ERC2: variants seen among roughly 807,000 people sequenced by gnomAD.
ERC2 encodes the protein ELKS/RAB6-interacting/CAST family member 2.
In ERC2, 42 loss-of-function variants were observed where a neutral mutation model predicts 114.8. The observed-to-expected ratio is 0.37, with a 90% CI of 0.29 to 0.47. The LOEUF is 0.47. Among genes scored for constraint, ERC2 ranks in the 20% least tolerant of loss-of-function variants. The pLI is 0.99. For synonymous variants in ERC2, 454 were observed against 425.5 expected (o/e 1.07, Z -0.82); for missense variants, 939 against 1,150.7 (o/e 0.82, Z 2.66).
At chr3:55,857,336 C>A (rs1489337355) in intron 14 of ERC2, among the ~76,000 whole-genome samples, 1 of 152,060 alleles carries the variant, frequency 6.6e-6, no homozygotes, top group African/African-American at 2.4e-5. Context: ...AGAAAGATAC[C>A]CGCATCTTTG....
intron 2 of ERC2, among the ~76,000 whole-genome samples, chr3:56,310,832 C>T (rs192625329): frequency 2.0e-5 from 3 of 152,044 alleles, no homozygotes; most frequent in Admixed American, 6.5e-5. Context: ...TTAACAAGAC[C>T]CACAGGTAAT....
intron 2 of ERC2, among the ~76,000 whole-genome samples, chr3:56,308,820 C>T (rs2056380013): frequency 6.6e-6 from 1 of 152,082 alleles, no homozygotes; most frequent in Non-Finnish European, 1.5e-5. Flanking sequence ...AATCCATACT[C>T]CTTCTCAAGC....
At chr3:56,297,748 G>A (rs1024371221) in intron 2 of ERC2, among the ~76,000 whole-genome samples, 3 of 152,190 alleles carry the variant, frequency 2.0e-5, no homozygotes, top group Non-Finnish European at 2.9e-5. Context: ...GGAACTCACA[G>A]TATTGTAAGG....
At chr3:56,220,462 G>T (rs963300974) in intron 3 of ERC2, among the ~76,000 whole-genome samples, 8 of 152,304 alleles carry the variant, frequency 5.3e-5, no homozygotes, top group African/African-American at 1.4e-4. Flanking sequence ...GTATTGAAAG[G>T]TTACAGGGCA....
intron 13 of ERC2, 126 bp downstream of exon 13, chr3:55,950,299 A>T: frequency 1.7e-6 from 2 of 1,150,466 alleles, no homozygotes; most frequent in Non-Finnish European, 2.4e-6. Flanking sequence ...GTTCCCTGTT[A>T]GTGCTAGACT....
At chr3:55,661,041 C>T (rs1480291990) in intron 17 of ERC2, among the ~76,000 whole-genome samples, 1 of 152,230 alleles carries the variant, frequency 6.6e-6, no homozygotes, top group Non-Finnish European at 1.5e-5. Context: ...AATGCACCAG[C>T]TTGTCCTGTG....
chr3:55,706,489 C>T lies in ERC2; in HGVS notation c.2713-6977G>A, dbSNP rs150057453. 3.5e-3 allele frequency among the ~76,000 whole-genome samples: 526 copies of T among 152,216 alleles called. 3 individuals are homozygous for T. Among genetic ancestry groups the T allele is most frequent in the African/African-American group, 0.012 (496 of 41,532 alleles). On this transcript the variant is annotated intron_variant, in intron 15 of 17. Transcript: ENST00000288221. Reference sequence around the variant, plus strand: ...TCGGCTCACTGTAACCTCTACTTCCCGGGTTCAAGTGATTACCCCACCTCA... The same window carrying T: ...TCGGCTCACTGTAACCTCTACTTCCTGGGTTCAAGTGATTACCCCACCTCA...
intron 16 of ERC2, among the ~76,000 whole-genome samples, chr3:55,695,684 T>C (rs530347690): frequency 1.8e-4 from 28 of 152,310 alleles, no homozygotes; most frequent in Middle Eastern, 3.4e-3. Flanking sequence ...CCATTTTCGG[T>C]TGTGCAAAGC....
chr3:56,240,093 A>G (rs1192835808), intron 3 of ERC2, among the ~76,000 whole-genome samples: 6 of 152,250 alleles, frequency 3.9e-5, no homozygotes, highest in Non-Finnish European at 8.8e-5. Context: ...TGAAATAAAA[A>G]TGAGATAAAT....
intron 17 of ERC2, among the ~76,000 whole-genome samples, chr3:55,595,816 G>C (rs1450007206): frequency 1.3e-5 from 2 of 152,206 alleles, no homozygotes; most frequent in East Asian, 1.9e-4. Context: ...TAAACCATGA[G>C]AGTATGGCAG....
At chr3:56,188,766 G>C (rs1046502290) in intron 3 of ERC2, among the ~76,000 whole-genome samples, 1 of 152,122 alleles carries the variant, frequency 6.6e-6, no homozygotes. Flanking sequence ...TCCTTGATGG[G>C]GGTCACTGGG....
chr3:55,954,587 C>G (rs2067813642), intron 12 of ERC2, among the ~76,000 whole-genome samples: 1 of 152,172 alleles, frequency 6.6e-6, no homozygotes, highest in African/African-American at 2.4e-5. Flanking sequence ...AAAATCAAAA[C>G]TTATTTTAAA....
intron 17 of ERC2, among the ~76,000 whole-genome samples, chr3:55,524,978 T>C (rs1266218980): frequency 6.6e-6 from 1 of 152,188 alleles, no homozygotes; most frequent in Non-Finnish European, 1.5e-5. Context: ...CCGCAGTTGG[T>C]CATCGTTAGT....
chr3:55,540,188 C>T (rs909159577), intron 17 of ERC2, among the ~76,000 whole-genome samples: 5 of 152,194 alleles, frequency 3.3e-5, no homozygotes, highest in Admixed American at 6.5e-5. Flanking sequence ...CCTGACAATA[C>T]AGACTAGATG....
At chr3:56,022,871 G>C (rs1349620331) in intron 7 of ERC2, among the ~76,000 whole-genome samples, 1 of 152,142 alleles carries the variant, frequency 6.6e-6, no homozygotes, top group Non-Finnish European at 1.5e-5. Context: ...CTGCCTTCTG[G>C]TCATGGCTGG....
chr3:56,228,130 G>A (rs1277136839), intron 3 of ERC2, among the ~76,000 whole-genome samples: 2 of 152,108 alleles, frequency 1.3e-5, no homozygotes, highest in Non-Finnish European at 1.5e-5. Flanking sequence ...CTGGGGACAG[G>A]AAACTTCCTA....
chr3:55,981,198 C>T (rs2070106920), intron 12 of ERC2, among the ~76,000 whole-genome samples: 2 of 152,190 alleles, frequency 1.3e-5, no homozygotes, highest in African/African-American at 4.8e-5. Flanking sequence ...CAACTTTTTT[C>T]CATCCCCAAT....
At chr3:55,918,209 T>C (rs1283353297) in intron 13 of ERC2, among the ~76,000 whole-genome samples, 2 of 152,112 alleles carry the variant, frequency 1.3e-5, no homozygotes, top group African/African-American at 2.4e-5. Context: ...CTAGCTACAA[T>C]GTAATCTGGA....
intron 17 of ERC2, among the ~76,000 whole-genome samples, chr3:55,649,890 T>C (rs2060542644): frequency 6.6e-6 from 1 of 152,174 alleles, no homozygotes; most frequent in Admixed American, 6.5e-5. Context: ...AAATGTCTGA[T>C]GGGGAACGGA....
Sources: allele counts gnomAD v4.1 joint callset (sites outside exome capture counted in the v4.1 genomes callset), GRCh38; gene constraint gnomAD v4.1.1; transcripts MANE v1.5; gene names NCBI Gene and HGNC (gene_info 2026-07-23, HGNC 2026-07-21).